DNAI4: variants seen among roughly 807,000 people sequenced by gnomAD.
DNAI4 encodes the protein WD repeat domain 78.
Under a neutral mutation model 105.8 loss-of-function variants are expected in DNAI4, and 85 were observed. The observed-to-expected ratio is 0.80, with a 90% confidence interval of 0.67 to 0.96. DNAI4 has a LOEUF of 0.96. Ranked by LOEUF, DNAI4 falls within the 40% of genes least tolerant of loss-of-function variation. The pLI, the probability that DNAI4 is intolerant of heterozygous loss-of-function variation, is 0.00. For missense variants in DNAI4, 1,014 were observed against 1,005.6 expected (o/e 1.01, Z -0.11); for synonymous variants, 352 against 331.5 (o/e 1.06, Z -0.67).
rs200287802 is a variant in DNAI4 at position 66,890,886 on chromosome 1, C to A, written c.643+268G>T. The stretch of plus-strand genomic sequence containing the variant: ...GAAGAGGAAGAAGAAGAAGAAGAAG[C>A]AGAAGCAGCAGCAGCAACAGCAGCA... On this transcript the variant is annotated intron_variant, in intron 4 of 16. Transcript: ENST00000371026. The surrounding 1 kb of genome is among the most constrained non-coding windows in gnomAD (Gnocchi z 4.1). 6.6e-5 allele frequency: 27 copies of A among 406,290 alleles called. No homozygotes were observed. Among genetic ancestry groups the A allele is most frequent in the Admixed American group, 2.8e-4 (7 of 25,060 alleles). The allele number at this position is 406,290 out of a possible 1,614,324, so 25.2% of individuals were successfully genotyped here.
intron 4 of DNAI4, among the ~76,000 whole-genome samples, chr1:66,879,407 C>T (rs1647021149): frequency 6.6e-6 from 1 of 152,132 alleles, no homozygotes; most frequent in South Asian, 2.1e-4. Context: ...TATGGACATG[C>T]TATTGTTTAT....
At chr1:66,847,037 A>T (rs476232) in intron 8 of DNAI4, among the ~76,000 whole-genome samples, 2 of 151,980 alleles carry the variant, frequency 1.3e-5, no homozygotes, top group African/African-American at 4.8e-5. Context: ...GAGAGATACT[A>T]TAAAAATGAC....
At chr1:66,892,950 G>GAAAGAAAGA (rs1553227435) in intron 3 of DNAI4, among the ~76,000 whole-genome samples, 7 of 91,920 alleles carry the variant, frequency 7.6e-5, no homozygotes, top group Non-Finnish European at 1.5e-4. Flanking sequence ...AGAAGAAAGA[G>GAAAGAAAGA]AAGAAAGAAA....
intron 5 of DNAI4, among the ~76,000 whole-genome samples, chr1:66,873,956 T>C (rs530366048): frequency 6.0e-4 from 90 of 151,204 alleles, no homozygotes; most frequent in African/African-American, 2.1e-3. Context: ...TGTTTTATAG[T>C]CCAAACCATA....
intron 13 of DNAI4, 77 bp from the exon 14 acceptor site, chr1:66,827,987 G>A: frequency 2.2e-6 from 2 of 912,720 alleles, no homozygotes; most frequent in South Asian, 1.9e-5. Context: ...AGATATTTCT[G>A]GATCTATTAA....
intron 16 of DNAI4, among the ~76,000 whole-genome samples, chr1:66,819,708 C>T (rs1645587628): frequency 6.6e-6 from 1 of 151,914 alleles, no homozygotes; most frequent in Non-Finnish European, 1.5e-5. Flanking sequence ...TACGTATATA[C>T]ATTTGATGAA....
At chr1:66,836,232 GAGAAAGAAAGAA>G (rs1425258639) in intron 10 of DNAI4, among the ~76,000 whole-genome samples, 1 of 130,174 alleles carries the variant, frequency 7.7e-6, no homozygotes, top group African/African-American at 3.1e-5. Flanking sequence ...GAGAGAGAGA[GAGAAAGAAAGAA>G]AGAGAGAGAG....
At chr1:66,858,532 C>CAAAAAAAAAAAAAAAAAAAAA in intron 7 of DNAI4, among the ~76,000 whole-genome samples, 1 of 63,588 alleles carries the variant, frequency 1.6e-5, no homozygotes, top group African/African-American at 5.6e-5. Context: ...GACTCCGTCT[C>CAAAAAAAAAAAAAAAAAAAAA]AAAAAAAAAA....
intron 8 of DNAI4, among the ~76,000 whole-genome samples, chr1:66,842,359 G>T (rs527439247): frequency 6.6e-6 from 1 of 152,012 alleles, no homozygotes; most frequent in Non-Finnish European, 1.5e-5. Flanking sequence ...TAAATCATAC[G>T]GTAAGAGTAT....
intron 3 of DNAI4, 34 bp downstream of exon 3, chr1:66,893,195 T>C (rs767945393): frequency 1.6e-6 from 2 of 1,246,676 alleles, no homozygotes; most frequent in South Asian, 2.7e-5. Context: ...ATATATATGA[T>C]AGAAAAAAGG....
intron 7 of DNAI4, among the ~76,000 whole-genome samples, chr1:66,860,116 A>C (rs897621634): frequency 6.6e-6 from 1 of 152,120 alleles, no homozygotes; most frequent in Non-Finnish European, 1.5e-5. Context: ...TATATGCTCA[A>C]TTTTTCTGTA....
Position 66,924,578 on chromosome 1 carries a change from A to G in DNAI4, c.170+84T>C. The G allele has an allele frequency of 3.1e-6, 5 of 1,599,310 alleles. No individual in the cohort carries two copies. In the South Asian group the frequency reaches 5.5e-5, roughly 18 times the overall value. On this transcript the variant is annotated intron_variant, in intron 1 of 16. Transcript: ENST00000371026. ...CCCAGTTAGGGTAGGGCCCCTTTCC[A>G]AATCCAGAAATGGTATCTATTAATA...
chr1:66,873,585 A>C (rs2100670782), intron 5 of DNAI4, among the ~76,000 whole-genome samples: 1 of 152,322 alleles, frequency 6.6e-6, no homozygotes, highest in African/African-American at 2.4e-5. Context: ...AAATGGTGGT[A>C]TGCTTTGCTC....
At chr1:66,877,145 T>C (rs1464041162) in intron 4 of DNAI4, among the ~76,000 whole-genome samples, 1 of 152,216 alleles carries the variant, frequency 6.6e-6, no homozygotes. Context: ...CTATGAAGCC[T>C]TCCTTGGCCT....
chr1:66,845,210 GAAAAATTAAAA>G lies in DNAI4; in HGVS notation c.1291+2263_1291+2273del, dbSNP rs1572637753. On this transcript the variant is annotated intron_variant, in intron 8 of 16. Transcript: ENST00000371026. Reference sequence around the variant, plus strand: ...CATCTCAAAAAAAAAAAAAAAAAAAGAAAAATTAAAAAAAAAAAAAAAAAGGCAACTCAATT... The same window carrying G: ...CATCTCAAAAAAAAAAAAAAAAAAAGAAAAAAAAAAAAAGGCAACTCAATT... Among the ~76,000 whole-genome samples, 4 of 21,636 alleles carry G rather than the reference GAAAAATTAAAA, an allele frequency of 1.8e-4. No homozygotes were observed. In the East Asian group the frequency reaches 2.5e-3, roughly 14 times the overall value. 14.2% of individuals were successfully genotyped at this position (21,636 alleles called of 152,430 possible). A position where few individuals can be genotyped will look rare whatever the true frequency, so the allele number is the denominator to read the frequency against.
intron 13 of DNAI4, among the ~76,000 whole-genome samples, 170 bp downstream of exon 13, chr1:66,833,415 C>T (rs565459801): frequency 2.3e-4 from 35 of 152,222 alleles, no homozygotes; most frequent in South Asian, 8.3e-4. Flanking sequence ...CTCACCTATT[C>T]TTCCACCTGC....
chr1:66,846,943 T>A (rs1389500411), intron 8 of DNAI4, among the ~76,000 whole-genome samples: 1 of 152,222 alleles, frequency 6.6e-6, no homozygotes, highest in African/African-American at 2.4e-5. Flanking sequence ...ACAGGAAGAA[T>A]GCTTCTGCAA....
At chr1:66,864,253 T>TA (rs1001484317) in intron 6 of DNAI4, among the ~76,000 whole-genome samples, 6 of 152,162 alleles carry the variant, frequency 3.9e-5, no homozygotes, top group South Asian at 2.1e-4. Context: ...ATAAAGCTGT[T>TA]AAAAAAGTCT....
Position 66,893,638 on chromosome 1 carries a change from T to A in DNAI4, c.346-225A>T, listed in dbSNP as rs78651649. On this transcript the variant is annotated intron_variant, in intron 2 of 16. Coordinates refer to ENST00000371026, the MANE Select transcript of DNAI4 (RefSeq NM_024763.5). ...TATTTTTGCTTTATCTATATGTAAT[T>A]AATATATATTAACTTTAGGAAAATC... Among the ~76,000 whole-genome samples the A allele has an allele frequency of 2.1e-3, 318 of 152,326 alleles. 8 individuals are homozygous for A. The East Asian group carries it at 0.047, about 22-fold the overall frequency.
Sources: gnomAD v4.1 joint callset for allele counts (sites outside exome capture counted in the v4.1 genomes callset) on GRCh38, gnomAD v4.1.1 for gene constraint, Gnocchi (gnomAD v3.1) non-coding constraint, MANE v1.5 for transcripts, NCBI Gene and HGNC (gene_info 2026-07-23, HGNC 2026-07-21) for gene names.